TNRC6A: variants seen among roughly 807,000 people sequenced by gnomAD.
TNRC6A encodes trinucleotide repeat-containing gene 6A protein.
In TNRC6A, 44 loss-of-function variants were observed where a neutral mutation model predicts 221.2. The ratio of observed to expected loss-of-function variants is 0.20; its 90% CI spans 0.16 to 0.26. The LOEUF (loss-of-function observed/expected upper bound fraction) is 0.26, where lower values mean the gene tolerates loss of function less well. TNRC6A is among the 10% of genes least tolerant of loss of function. The probability of loss-of-function intolerance (pLI) is 1.00; values close to 1 mark genes in which losing one functional copy is unlikely to be tolerated. For missense variants in TNRC6A, 2,199 were observed against 2,404.4 expected (o/e 0.91, Z 1.79); for synonymous variants, 847 against 838.5 (o/e 1.01, Z -0.18).
intron 2 of TNRC6A, among the ~76,000 whole-genome samples, chr16:24,666,235 A>G (rs891980909): frequency 5.3e-5 from 8 of 151,970 alleles, no homozygotes; most frequent in Admixed American, 6.6e-5. Flanking sequence ...TTGGGAGGCC[A>G]AGGCGGGTGG....
intron 2 of TNRC6A, among the ~76,000 whole-genome samples, chr16:24,716,535 G>C (rs1284006860): frequency 5.3e-5 from 8 of 152,100 alleles, no homozygotes; most frequent in Non-Finnish European, 1.0e-4. Context: ...CGAGCGTGAT[G>C]GTGCACGCCT....
At chr16:24,650,751 T>A (rs1902598606) in intron 2 of TNRC6A, among the ~76,000 whole-genome samples, 1 of 152,090 alleles carries the variant, frequency 6.6e-6, no homozygotes, top group Admixed American at 6.6e-5. Context: ...ACATGTGATC[T>A]GAGAAAACAC....
In TNRC6A at chr16:24,684,341, C is replaced by T. The variant is rs562658905; in HGVS notation, n.402+43332C>T. Among the ~76,000 whole-genome samples, 20 of 151,644 alleles carry T rather than the reference C, an allele frequency of 1.3e-4. No homozygotes were observed. The South Asian group carries it at 1.5e-3, about 11-fold the overall frequency. ...GATCACTTGGCCCCCAGGAGGTAGACGCTGCAGTGAGCTGAGATCGAGCCA... is the reference window on the plus strand; with the variant it reads ...GATCACTTGGCCCCCAGGAGGTAGATGCTGCAGTGAGCTGAGATCGAGCCA... On this transcript the variant is annotated intron_variant and non_coding_transcript_variant, in intron 2 of 2. Coordinates refer to the TNRC6A transcript ENST00000566108.
At chr16:24,660,645 A>C (rs2055007664) in intron 2 of TNRC6A, among the ~76,000 whole-genome samples, 1 of 147,048 alleles carries the variant, frequency 6.8e-6, no homozygotes, top group Admixed American at 6.8e-5. Context: ...AAATGCCCCC[A>C]TTTGTCTAGG....
intron 20 of TNRC6A, among the ~76,000 whole-genome samples, 185 bp downstream of exon 20, chr16:24,817,141 C>CGAA (rs780207087): frequency 6.6e-6 from 1 of 152,014 alleles, no homozygotes; most frequent in African/African-American, 2.4e-5. Flanking sequence ...AGAAAGAAAA[C>CGAA]GAAGAAGAAG....
intron 8 of TNRC6A, among the ~76,000 whole-genome samples, chr16:24,795,104 C>T (rs1160964235): frequency 6.6e-6 from 1 of 152,158 alleles, no homozygotes; most frequent in Admixed American, 6.5e-5. Context: ...CACCCGCTTA[C>T]CCAGAGTCAC....
At chr16:24,629,207 A>T (rs1378858285) in intron 1 of TNRC6A, among the ~76,000 whole-genome samples, 1 of 152,180 alleles carries the variant, frequency 6.6e-6, no homozygotes, top group Non-Finnish European at 1.5e-5. Context: ...TAAATATTTA[A>T]CATCACTTAA....
In TNRC6A at chr16:24,681,494, C is replaced by G. The variant is rs184762534; in HGVS notation, n.402+40485C>G. On this transcript the variant is annotated intron_variant and non_coding_transcript_variant, in intron 2 of 2. Coordinates refer to the TNRC6A transcript ENST00000566108. ...CCGCCTGCCTCAGCCTCCCAGAATGCTAGGATTGCAGGCGTGAGCCATCGC... is the reference window on the plus strand; with the variant it reads ...CCGCCTGCCTCAGCCTCCCAGAATGGTAGGATTGCAGGCGTGAGCCATCGC... 9.2e-5 allele frequency among the ~76,000 whole-genome samples: 14 copies of G among 152,346 alleles called. 1 individual carries two copies.
At chr16:24,745,800 C>T (rs535577149) in intron 2 of TNRC6A, among the ~76,000 whole-genome samples, 1 of 143,966 alleles carries the variant, frequency 6.9e-6, no homozygotes, top group South Asian at 2.5e-4. Context: ...TACCATCCCC[C>T]CCCCCCCCAG....
At chr16:24,677,309 C>T (rs954788749) in intron 2 of TNRC6A, among the ~76,000 whole-genome samples, 2 of 151,898 alleles carry the variant, frequency 1.3e-5, no homozygotes, top group African/African-American at 4.8e-5. Flanking sequence ...ATTACAGGCA[C>T]CCACCACCAC....
chr16:24,798,049 G>A lies in TNRC6A; in HGVS notation c.3694+83G>A, dbSNP rs1477823124. 18 of 1,250,718 alleles carry A rather than the reference G, an allele frequency of 1.4e-5. No individual in the cohort carries two copies. The African/African-American group carries it at 1.9e-4, about 13-fold the overall frequency. The allele number at this position is 1,250,718 out of a possible 1,614,324, so 77.5% of individuals were successfully genotyped here. A position where few individuals can be genotyped will look rare whatever the true frequency, so the allele number is the denominator to read the frequency against. ...ATGATTCTACTGAAAGAGCCCTGAC[G>A]TAGATCAGGACAGGGGAGGCTGTGC... On this transcript the variant is annotated intron_variant, in intron 11 of 24. Transcript: ENST00000395799.
At chr16:24,774,649 A>C (rs771474172) in intron 4 of TNRC6A, among the ~76,000 whole-genome samples, 4 of 152,180 alleles carry the variant, frequency 2.6e-5, no homozygotes, top group Non-Finnish European at 4.4e-5. Context: ...CTGCCACCTT[A>C]AGTTGATGTT....
intron 2 of TNRC6A, among the ~76,000 whole-genome samples, chr16:24,742,485 T>C (rs1272218603): frequency 6.6e-6 from 1 of 152,192 alleles, no homozygotes; most frequent in African/African-American, 2.4e-5. Flanking sequence ...GTGTTGGTGT[T>C]ACAGTGTTAG....
In TNRC6A at chr16:24,680,651, G is replaced by A. The variant is rs538458808; in HGVS notation, n.402+39642G>A. Among the ~76,000 whole-genome samples the A allele has an allele frequency of 4.6e-5, 7 of 151,596 alleles. 1 individual carries two copies. The highest frequency in any genetic ancestry group is 3.9e-4 in the Admixed American group (6 of 15,200). The stretch of plus-strand genomic sequence containing the variant: ...AGAATCACTTGAACCTGGAGGCAGA[G>A]GTTGTGGTGAGCCAGTATCCTGCCA... On this transcript the variant is annotated intron_variant and non_coding_transcript_variant, in intron 2 of 2. Coordinates refer to the TNRC6A transcript ENST00000566108.
At chr16:24,705,523 C>T (rs568956526) in intron 2 of TNRC6A, among the ~76,000 whole-genome samples, 3 of 152,086 alleles carry the variant, frequency 2.0e-5, no homozygotes, top group South Asian at 2.1e-4. Context: ...GTAGAGATGG[C>T]GTTTCGCCAT....
At chr16:24,703,971 C>A (rs2056040725) in intron 2 of TNRC6A, among the ~76,000 whole-genome samples, 2 of 150,960 alleles carry the variant, frequency 1.3e-5, no homozygotes, top group Admixed American at 1.3e-4. Flanking sequence ...GTAGTCCCAG[C>A]TACTTGGGAG....
intron 4 of TNRC6A, among the ~76,000 whole-genome samples, chr16:24,759,245 C>T (rs56308345): frequency 0.025 from 3,744 of 151,934 alleles, 141 homozygotes; most frequent in African/African-American, 0.084. Flanking sequence ...GATAAGTGGG[C>T]AGGGTTGAGG....
intron 5 of TNRC6A, among the ~76,000 whole-genome samples, chr16:24,787,335 G>A (rs1030376227): frequency 5.3e-5 from 8 of 152,256 alleles, no homozygotes; most frequent in Non-Finnish European, 1.2e-4. Flanking sequence ...GGATTCTGAC[G>A]AATCCTGCCT....
chr16:24,626,011 T>C (rs931937536), intron 1 of TNRC6A, among the ~76,000 whole-genome samples: 2 of 152,198 alleles, frequency 1.3e-5, no homozygotes, highest in African/African-American at 4.8e-5. Flanking sequence ...ACACCAATAG[T>C]TTCTTTTCAA....
Sources: allele counts gnomAD v4.1 joint callset (sites outside exome capture counted in the v4.1 genomes callset), GRCh38; gene constraint gnomAD v4.1.1; transcripts MANE v1.5; gene names NCBI Gene and HGNC (gene_info 2026-07-23, HGNC 2026-07-21).